FARS2: variants seen among roughly 807,000 people sequenced by gnomAD.
FARS2 encodes phenylalanyl-tRNA synthetase 2, mitochondrial.
In FARS2, 40 loss-of-function variants were observed where a neutral mutation model predicts 46.4. The observed-to-expected ratio is 0.86, with a 90% CI of 0.67 to 1.12. The LOEUF is 1.12. FARS2 is among the 50% of genes most tolerant of loss of function. FARS2 has a pLI of 0.00. For missense variants in FARS2, 513 were observed against 567.9 expected (o/e 0.90, Z 0.98); for synonymous variants, 234 against 214.9 (o/e 1.09, Z -0.78).
At chr6:5,447,677 A>G (rs1046807228) in intron 4 of FARS2, among the ~76,000 whole-genome samples, 1 of 152,208 alleles carries the variant, frequency 6.6e-6, no homozygotes, top group Non-Finnish European at 1.5e-5. Flanking sequence ...TTGGTTGAAA[A>G]CAGTCCATGT....
intron 5 of FARS2, among the ~76,000 whole-genome samples, chr6:5,596,688 G>A (rs1774219416): frequency 6.6e-6 from 1 of 152,284 alleles, no homozygotes; most frequent in East Asian, 1.9e-4. Flanking sequence ...AGAAGCCCAC[G>A]GTCATTTTGA....
At chr6:5,552,741 A>C (rs1582430410) in intron 5 of FARS2, among the ~76,000 whole-genome samples, 1 of 152,320 alleles carries the variant, frequency 6.6e-6, no homozygotes, top group Non-Finnish European at 1.5e-5. Context: ...TTCTTTAACC[A>C]ACCTGGATCT....
At chr6:5,684,823 AAAGGACTC>A (rs1757063967) in intron 6 of FARS2, among the ~76,000 whole-genome samples, 2 of 152,148 alleles carry the variant, frequency 1.3e-5, no homozygotes, top group Admixed American at 1.3e-4. Flanking sequence ...TATGTTTGTG[AAAGGACTC>A]TATTAAGACA....
At chr6:5,462,974 A>G (rs2150304423) in intron 4 of FARS2, among the ~76,000 whole-genome samples, 1 of 152,330 alleles carries the variant, frequency 6.6e-6, no homozygotes, top group South Asian at 2.1e-4. Context: ...AGGGCTAGGT[A>G]GTGAAGAATT....
intron 1 of FARS2, among the ~76,000 whole-genome samples, chr6:5,296,323 A>G (rs1767874615): frequency 2.6e-5 from 4 of 151,554 alleles, no homozygotes; most frequent in Admixed American, 2.6e-4. Context: ...TTGTATTTTT[A>G]GTAGAGATGG....
rs138364237 is a variant in FARS2 at position 5,543,885 on chromosome 6, C to CTT, written c.905-1282_905-1281dup. 7.3e-3 allele frequency among the ~76,000 whole-genome samples: 1,033 copies of CTT among 140,932 alleles called. 12 individuals carry two copies. The highest frequency in any genetic ancestry group is 0.021 in the African/African-American group (820 of 38,208). The allele number at this position is 140,932 out of a possible 152,430, so 92.5% of individuals were successfully genotyped here. A position where few individuals can be genotyped will look rare whatever the true frequency, so the allele number is the denominator to read the frequency against. On this transcript the variant is annotated intron_variant, in intron 4 of 6. Coordinates refer to ENST00000274680, the MANE Select transcript of FARS2 (RefSeq NM_006567.5). The stretch of plus-strand genomic sequence containing the variant: ...TGGATTAGTTATGTTTGTTTGTTTG[C>CTT]TTTTTTTTTTTTTTCTGGGTAACAA...
At chr6:5,757,112 C>T (rs1561840204) in intron 6 of FARS2, among the ~76,000 whole-genome samples, 3 of 152,070 alleles carry the variant, frequency 2.0e-5, no homozygotes, top group Non-Finnish European at 4.4e-5. Flanking sequence ...CAGACTTCAA[C>T]TTGAGAAAGT....
At chr6:5,681,697 C>A (rs1456655316) in intron 6 of FARS2, among the ~76,000 whole-genome samples, 1 of 152,218 alleles carries the variant, frequency 6.6e-6, no homozygotes, top group East Asian at 1.9e-4. Flanking sequence ...AAACTGCTGA[C>A]TGTATTCTCA....
intron 4 of FARS2, among the ~76,000 whole-genome samples, chr6:5,435,051 G>A (rs955752154): frequency 3.9e-5 from 6 of 152,136 alleles, no homozygotes; most frequent in East Asian, 3.9e-4. Context: ...GTTATAACCC[G>A]TGTTTTACAG....
chr6:5,331,190 A>T lies in FARS2; in HGVS notation c.-21-37360A>T, dbSNP rs1485842448. ...ATGATATTTTCAGTATTTTACTTAGATGGGCTTTAACAGATTTAATTTTCT... is the reference window on the plus strand; with the variant it reads ...ATGATATTTTCAGTATTTTACTTAGTTGGGCTTTAACAGATTTAATTTTCT... On this transcript the variant is annotated intron_variant, in intron 1 of 6. Transcript: ENST00000274680. 2.0e-5 allele frequency among the ~76,000 whole-genome samples: 3 copies of T among 150,422 alleles called. No individual in the cohort carries two copies. In the East Asian group the frequency reaches 5.8e-4, roughly 29 times the overall value.
chr6:5,313,102 C>T (rs1769204753), intron 1 of FARS2, among the ~76,000 whole-genome samples: 1 of 152,190 alleles, frequency 6.6e-6, no homozygotes, highest in African/African-American at 2.4e-5. Context: ...AACCAACCAA[C>T]ACCCCCTAAC....
At chr6:5,496,469 G>C (rs1404920985) in intron 4 of FARS2, among the ~76,000 whole-genome samples, 30 of 152,180 alleles carry the variant, frequency 2.0e-4, no homozygotes, top group Admixed American at 2.0e-3. Context: ...GCATTAACTT[G>C]CTACGGGTGC....
At chr6:5,492,919 A>G (rs1031549570) in intron 4 of FARS2, among the ~76,000 whole-genome samples, 1 of 152,364 alleles carries the variant, frequency 6.6e-6, no homozygotes, top group African/African-American at 2.4e-5. Context: ...TGTTATAAGC[A>G]TGCCCTTGCG....
At chr6:5,260,618 G>T (rs755274371), upstream of FARS2, 3 of 677,712 alleles carry the variant, frequency 4.4e-6, no homozygotes, top group Non-Finnish European at 6.3e-6. Flanking sequence ...CTGGCCCCCC[G>T]CCCCCGGCCC....
chr6:5,334,779 G>T (rs1280669591), intron 1 of FARS2, among the ~76,000 whole-genome samples: 1 of 152,078 alleles, frequency 6.6e-6, no homozygotes, highest in East Asian at 1.9e-4. Flanking sequence ...TTCCCCATTT[G>T]TCTTTAACAT....
chr6:5,543,375 TG>T (rs1241314426), intron 4 of FARS2, among the ~76,000 whole-genome samples: 17 of 101,518 alleles, frequency 1.7e-4, no homozygotes, highest in Non-Finnish European at 3.3e-4. Flanking sequence ...TTGTTGGTGG[TG>T]GTTTTTTTTT....
At chr6:5,331,597 G>A (rs1561963323) in intron 1 of FARS2, among the ~76,000 whole-genome samples, 2 of 152,236 alleles carry the variant, frequency 1.3e-5, no homozygotes. Context: ...ATGGACATGT[G>A]TAAGGGAGAG....
chr6:5,627,565 A>G (rs1214341252), intron 6 of FARS2, among the ~76,000 whole-genome samples: 1 of 152,224 alleles, frequency 6.6e-6, no homozygotes, highest in Non-Finnish European at 1.5e-5. Context: ...TGATGATGGA[A>G]TAAGCATTTC....
chr6:5,282,357 TG>T (rs1334800046), intron 1 of FARS2, among the ~76,000 whole-genome samples: 1 of 152,100 alleles, frequency 6.6e-6, no homozygotes, highest in African/African-American at 2.4e-5. Flanking sequence ...AAGAAACACA[TG>T]GTCCATGGCG....
Sources: allele counts gnomAD v4.1 joint callset (sites outside exome capture counted in the v4.1 genomes callset), GRCh38; gene constraint gnomAD v4.1.1; transcripts MANE v1.5; gene names NCBI Gene and HGNC (gene_info 2026-07-23, HGNC 2026-07-21).